The following PHACTR3 variants were observed in gnomAD, a reference collection of about 807,000 sequenced individuals.
The protein encoded by PHACTR3 is phosphatase and actin regulator 3.
PHACTR3 carries 16 observed loss-of-function variants against 66.8 expected under a neutral mutation model. That is an observed-to-expected ratio of 0.24 (90% CI 0.16 to 0.36). The LOEUF is 0.36. PHACTR3 is among the 10% of genes least tolerant of loss of function. The probability of loss-of-function intolerance (pLI) is 1.00; values close to 1 mark genes in which losing one functional copy is unlikely to be tolerated. For synonymous variants in PHACTR3, 323 were observed against 292.1 expected, an observed-to-expected ratio of 1.11 and a Z score of -1.08; for missense variants, 647 against 719.9, an observed-to-expected ratio of 0.90 and a Z score of 1.16.
intron 1 of PHACTR3, among the ~76,000 whole-genome samples, chr20:59,728,314 T>C (rs191052605): frequency 2.0e-5 from 3 of 152,212 alleles, no homozygotes; most frequent in Middle Eastern, 3.4e-3. Context: ...GAGCGTAACA[T>C]GGTGCAGTCA....
In PHACTR3 at chr20:59,761,441, A is replaced by G. The variant is rs2039991756; in HGVS notation, c.542-5745A>G. ...TGCTGGGTGTACGGGGGTGGAGTAC[A>G]AGTGACCATGGCTCACCACATCCAT... On this transcript the variant is annotated intron_variant, in intron 4 of 12. Coordinates refer to ENST00000371015, the MANE Select transcript of PHACTR3 (RefSeq NM_080672.5). 2.0e-5 allele frequency among the ~76,000 whole-genome samples: 3 copies of G among 152,130 alleles called. No homozygotes were observed. In the South Asian group the frequency reaches 6.2e-4, roughly 32 times the overall value.
intron 1 of PHACTR3, among the ~76,000 whole-genome samples, chr20:59,677,403 TG>T (rs904416791): frequency 5.9e-5 from 9 of 152,144 alleles, no homozygotes; most frequent in Non-Finnish European, 8.8e-5. Flanking sequence ...GTTTTACATT[TG>T]GTATCATTTG....
chr20:59,784,889 G>C (rs533455781), intron 7 of PHACTR3, among the ~76,000 whole-genome samples: 11 of 152,182 alleles, frequency 7.2e-5, no homozygotes, highest in Non-Finnish European at 1.6e-4. Flanking sequence ...AATCTTGGCT[G>C]CTCTTGCTGC....
At position 59,827,182 on chromosome 20, in the gene PHACTR3, C is replaced by T. The variant is rs138039162; in HGVS notation, c.1329-9323C>T. On this transcript the variant is annotated intron_variant, in intron 8 of 12. Transcript: ENST00000371015. ...GTTGGGGAAGCCTCTCAGGGCAGCC[C>T]GGGAACCATCCGGAGAGACTGGTGC... 4.0e-3 allele frequency among the ~76,000 whole-genome samples: 613 copies of T among 152,236 alleles called. 7 individuals carry two copies. The highest frequency in any genetic ancestry group is 0.014 in the African/African-American group (573 of 41,544).
chr20:59,624,391 G>A (rs1171100956), intron 1 of PHACTR3, among the ~76,000 whole-genome samples: 1 of 152,100 alleles, frequency 6.6e-6, no homozygotes, highest in African/African-American at 2.4e-5. Context: ...TCTTGTCTAT[G>A]CAGCATGCTG....
At chr20:59,626,231 T>G (rs975402683) in intron 1 of PHACTR3, among the ~76,000 whole-genome samples, 3 of 152,236 alleles carry the variant, frequency 2.0e-5, no homozygotes, top group Non-Finnish European at 4.4e-5. Flanking sequence ...TATGGCAGGT[T>G]GCAGTGACGA....
In PHACTR3 at chr20:59,767,326, C is replaced by T. The variant is rs1330861909; in HGVS notation, c.682C>T (p.Leu228Phe). Residue 228 changes from leucine to phenylalanine, a missense_variant, in exon 5 of 13, where the codon CTC becomes TTC. Physicochemically the swap from Leu to Phe is conservative, Grantham distance 22. This residue lies in a region of PHACTR3 where 577 missense variants were observed against 571.1 expected (regional missense o/e 1.01). Transcript: ENST00000371015. The part of the protein sequence containing the change: ...PRPLERSVGQ[L>F]PSPPLLPTPP... ...ACCTCTGGAGAGATCCGTGGGCCAGCTCCCCAGCCCCCCACTGCTGCCCAC... is the reference window on the plus strand; with the variant it reads ...ACCTCTGGAGAGATCCGTGGGCCAGTTCCCCAGCCCCCCACTGCTGCCCAC... 1 of 1,614,070 alleles carries T rather than the reference C, an allele frequency of 6.2e-7. No homozygotes were observed. Among genetic ancestry groups the T allele is most frequent in the Non-Finnish European group, 8.5e-7 (1 of 1,180,038 alleles).
intron 1 of PHACTR3, among the ~76,000 whole-genome samples, chr20:59,686,799 G>A (rs2036896385): frequency 6.7e-6 from 1 of 150,330 alleles, no homozygotes; most frequent in Non-Finnish European, 1.5e-5. Context: ...TGATGGTGGT[G>A]ATGATTGTGA....
intron 3 of PHACTR3, among the ~76,000 whole-genome samples, chr20:59,754,805 C>G (rs932498985): frequency 7.9e-5 from 12 of 152,266 alleles, no homozygotes; most frequent in Admixed American, 7.8e-4. Flanking sequence ...AGTGCTGCAT[C>G]ATACCCACTG....
intron 1 of PHACTR3, among the ~76,000 whole-genome samples, chr20:59,619,519 G>T (rs2034160654): frequency 6.6e-6 from 1 of 151,994 alleles, no homozygotes; most frequent in African/African-American, 2.4e-5. Context: ...AGATGAGAAG[G>T]CACCCCACTG....
chr20:59,618,436 A>G (rs913058942), intron 1 of PHACTR3, among the ~76,000 whole-genome samples: 2 of 152,316 alleles, frequency 1.3e-5, no homozygotes, highest in Non-Finnish European at 2.9e-5. Flanking sequence ...GGTCCCAGGA[A>G]GGCAGCAGAG....
At chr20:59,633,908 AG>A (rs2034757379) in intron 1 of PHACTR3, among the ~76,000 whole-genome samples, 1 of 152,250 alleles carries the variant, frequency 6.6e-6, no homozygotes, top group Non-Finnish European at 1.5e-5. Context: ...ACTTTGTAAC[AG>A]ATTAACTAAT....
At chr20:59,605,879 T>C (rs936726280) in intron 1 of PHACTR3, among the ~76,000 whole-genome samples, 1 of 146,864 alleles carries the variant, frequency 6.8e-6, no homozygotes, top group African/African-American at 2.5e-5. Context: ...GTGGGCTGTG[T>C]GCGCCTGTCA....
At chr20:59,728,050 A>T (rs533158767) in intron 1 of PHACTR3, among the ~76,000 whole-genome samples, 7 of 152,344 alleles carry the variant, frequency 4.6e-5, no homozygotes, top group African/African-American at 1.7e-4. Context: ...GCACAAAATT[A>T]ACTATTTTAA....
intron 1 of PHACTR3, among the ~76,000 whole-genome samples, chr20:59,690,822 T>C (rs1311087410): frequency 6.6e-6 from 1 of 152,124 alleles, no homozygotes; most frequent in African/African-American, 2.4e-5. Flanking sequence ...ATTTAACTAA[T>C]GAGTTGCTAC....
chr20:59,772,679 AC>A (rs1414928838), intron 5 of PHACTR3, among the ~76,000 whole-genome samples: 1 of 152,052 alleles, frequency 6.6e-6, no homozygotes, highest in Non-Finnish European at 1.5e-5. Flanking sequence ...GAGTGGGGCC[AC>A]CCCCAGGGGC....
At chr20:59,807,791 G>A (rs529235401) in intron 8 of PHACTR3, among the ~76,000 whole-genome samples, 4 of 152,280 alleles carry the variant, frequency 2.6e-5, no homozygotes, top group Admixed American at 6.5e-5. Context: ...TATATGTGTC[G>A]TATATGTCGT....
chr20:59,799,512 A>G lies in PHACTR3; in HGVS notation c.1175-6529A>G, dbSNP rs554528725. Among the ~76,000 whole-genome samples the G allele has an allele frequency of 4.6e-5, 7 of 152,200 alleles. No individual in the cohort carries two copies. The South Asian group carries it at 1.0e-3, about 23-fold the overall frequency. ...GCTCTCCTGATGAAGGTATCTCTTT[A>G]CCATTATAAGATGACCCTTTTCAAA... On this transcript the variant is annotated intron_variant, in intron 7 of 12. Coordinates refer to ENST00000371015, the MANE Select transcript of PHACTR3 (RefSeq NM_080672.5).
At chr20:59,617,281 A>G (rs981299426) in intron 1 of PHACTR3, among the ~76,000 whole-genome samples, 1 of 152,208 alleles carries the variant, frequency 6.6e-6, no homozygotes, top group African/African-American at 2.4e-5. Flanking sequence ...AAAAACCCAA[A>G]AAAAACAACA....
Sources: allele counts gnomAD v4.1 joint callset (sites outside exome capture counted in the v4.1 genomes callset), GRCh38; gene constraint gnomAD v4.1.1; regional missense constraint gnomAD v4.1.1; transcripts MANE v1.5; gene names NCBI Gene and HGNC (gene_info 2026-07-23, HGNC 2026-07-21).